CPEB3: variants seen among roughly 807,000 people sequenced by gnomAD.
The protein encoded by CPEB3 is cytoplasmic polyadenylation element-binding protein 3.
A neutral mutation model predicts 67.2 loss-of-function variants in CPEB3; 20 were observed. The observed-to-expected ratio is 0.30, with a 90% CI of 0.21 to 0.43. The LOEUF is 0.43. Among genes scored for constraint, CPEB3 ranks in the 20% least tolerant of loss-of-function variants. The pLI is 1.00. For missense variants in CPEB3, 746 were observed against 968.6 expected, an observed-to-expected ratio of 0.77 and a Z score of 3.05; for synonymous variants, 376 against 393.1, an observed-to-expected ratio of 0.96 and a Z score of 0.51.
intron 8 of CPEB3, among the ~76,000 whole-genome samples, chr10:92,088,230 T>TC (rs1217337241): frequency 2.7e-5 from 4 of 149,728 alleles, no homozygotes; most frequent in African/African-American, 4.9e-5. Context: ...ACCTAATTTT[T>TC]TTTTTTTTTT....
intron 1 of CPEB3, among the ~76,000 whole-genome samples, chr10:92,267,636 T>C (rs569148022): frequency 6.8e-4 from 104 of 152,134 alleles, no homozygotes; most frequent in Admixed American, 9.8e-4. Flanking sequence ...GATTAGGAGA[T>C]TGGTTATTAT....
At chr10:92,217,241 A>T (rs1199833706) in intron 2 of CPEB3, among the ~76,000 whole-genome samples, 2 of 133,044 alleles carry the variant, frequency 1.5e-5, no homozygotes, top group African/African-American at 6.4e-5. Flanking sequence ...AAAATTATAT[A>T]TATATATACA....
At chr10:92,191,071 T>C (rs1182104201) in intron 3 of CPEB3, among the ~76,000 whole-genome samples, 2 of 152,200 alleles carry the variant, frequency 1.3e-5, no homozygotes, top group Non-Finnish European at 2.9e-5. Flanking sequence ...TCTTCTAATT[T>C]TCTCCACTTT....
intron 1 of CPEB3, among the ~76,000 whole-genome samples, chr10:92,286,218 A>G (rs1317853728): frequency 6.6e-6 from 1 of 152,026 alleles, no homozygotes; most frequent in Admixed American, 6.6e-5. Flanking sequence ...TACAGGCGTG[A>G]GCTACCACAC....
At chr10:92,283,410 C>CTA (rs937712484) in intron 1 of CPEB3, among the ~76,000 whole-genome samples, 1 of 152,124 alleles carries the variant, frequency 6.6e-6, no homozygotes, top group African/African-American at 2.4e-5. Context: ...AAGGGAGGAT[C>CTA]TATAATTCTC....
chr10:92,091,586 A>G (rs1326071983), intron 8 of CPEB3, among the ~76,000 whole-genome samples: 1 of 152,240 alleles, frequency 6.6e-6, no homozygotes, highest in African/African-American at 2.4e-5. Flanking sequence ...TAAATAGGAA[A>G]GCACTAAATA....
At chr10:92,178,707 A>T (rs1848334045) in intron 4 of CPEB3, among the ~76,000 whole-genome samples, 1 of 152,196 alleles carries the variant, frequency 6.6e-6, no homozygotes, top group Non-Finnish European at 1.5e-5. Context: ...CATATTTTAA[A>T]AAAGAAGACA....
chr10:92,138,527 G>C (rs61875204), intron 6 of CPEB3, among the ~76,000 whole-genome samples: 3 of 148,944 alleles, frequency 2.0e-5, no homozygotes, highest in Non-Finnish European at 4.4e-5. Context: ...AAAAAAAAGG[G>C]AGGGTGAAAG....
chr10:92,181,392 A>G (rs1848455888), intron 3 of CPEB3, among the ~76,000 whole-genome samples: 1 of 138,492 alleles, frequency 7.2e-6, no homozygotes, highest in Admixed American at 7.5e-5. Context: ...AAAAAAAAAT[A>G]GATTCAAACA....
intron 2 of CPEB3, among the ~76,000 whole-genome samples, chr10:92,231,254 T>G (rs1032471619): frequency 1.3e-5 from 2 of 152,174 alleles, no homozygotes; most frequent in Non-Finnish European, 2.9e-5. Context: ...TGTTCTTCCA[T>G]GCCTCCTTCT....
chr10:92,127,314 T>C (rs775988291), intron 6 of CPEB3, among the ~76,000 whole-genome samples: 1 of 151,954 alleles, frequency 6.6e-6, no homozygotes, highest in Non-Finnish European at 1.5e-5. Flanking sequence ...GTAAGAGGAA[T>C]ACAGAAAAAG....
chr10:92,101,537 C>G (rs1844188916), intron 7 of CPEB3, among the ~76,000 whole-genome samples: 1 of 152,072 alleles, frequency 6.6e-6, no homozygotes, highest in Non-Finnish European at 1.5e-5. Context: ...TCAGACCCAC[C>G]CCAGCTGTCA....
At chr10:92,270,419 A>G (rs1853253879) in intron 1 of CPEB3, among the ~76,000 whole-genome samples, 1 of 152,144 alleles carries the variant, frequency 6.6e-6, no homozygotes, top group East Asian at 1.9e-4. Flanking sequence ...GAGGTGATAC[A>G]TTCATGAAAC....
intron 1 of CPEB3, among the ~76,000 whole-genome samples, chr10:92,265,674 AG>A (rs1853020395): frequency 6.6e-6 from 1 of 151,600 alleles, no homozygotes; most frequent in Non-Finnish European, 1.5e-5. Flanking sequence ...GCTTGAACCC[AG>A]GAGGCAGAAG....
intron 6 of CPEB3, among the ~76,000 whole-genome samples, chr10:92,114,822 C>A (rs1449822888): frequency 2.0e-5 from 3 of 152,188 alleles, no homozygotes; most frequent in Non-Finnish European, 4.4e-5. Flanking sequence ...AATTACCTTA[C>A]AGAGATGTAG....
At chr10:92,232,782 A>G (rs1851336081) in intron 2 of CPEB3, among the ~76,000 whole-genome samples, 1 of 151,920 alleles carries the variant, frequency 6.6e-6, no homozygotes, top group Non-Finnish European at 1.5e-5. Context: ...AATACATCAA[A>G]TTGGCTAACC....
chr10:92,209,938 T>C (rs2134327995), intron 2 of CPEB3, among the ~76,000 whole-genome samples: 1 of 91,842 alleles, frequency 1.1e-5, no homozygotes, highest in African/African-American at 3.9e-5. Flanking sequence ...CTAGGCTCTG[T>C]CTCAAAAAAA....
chr10:92,279,206 A>C (rs766308498), intron 1 of CPEB3, among the ~76,000 whole-genome samples: 1 of 152,168 alleles, frequency 6.6e-6, no homozygotes, highest in Non-Finnish European at 1.5e-5. Context: ...AAGTTGAGGA[A>C]GTTCCCTTCT....
chr10:92,145,692 C>T (rs970855007), intron 4 of CPEB3, among the ~76,000 whole-genome samples: 2 of 150,760 alleles, frequency 1.3e-5, no homozygotes, highest in African/African-American at 4.9e-5. Context: ...AAAATCACTG[C>T]ATTTTACTCA....
Sources: allele counts gnomAD v4.1 joint callset (sites outside exome capture counted in the v4.1 genomes callset), GRCh38; gene constraint gnomAD v4.1.1; transcripts MANE v1.5; gene names NCBI Gene and HGNC (gene_info 2026-07-23, HGNC 2026-07-21).